RGS7: variants seen among roughly 807,000 people sequenced by gnomAD.
RGS7 encodes the protein regulator of G protein signaling 7.
RGS7 carries 27 observed loss-of-function variants against 81.1 expected under a neutral mutation model. The observed-to-expected ratio is 0.33, with a 90% CI of 0.25 to 0.46. The LOEUF is 0.46. RGS7 is among the 20% of genes least tolerant of loss of function. The pLI, the probability that RGS7 is intolerant of heterozygous loss-of-function variation, is 1.00. For missense variants in RGS7, 396 were observed against 607.4 expected, an observed-to-expected ratio of 0.65 and a Z score of 3.66; for synonymous variants, 208 against 207.7, an observed-to-expected ratio of 1.00 and a Z score of -0.01.
intron 3 of RGS7, among the ~76,000 whole-genome samples, chr1:241,041,996 A>T (rs1249523686): frequency 1.3e-5 from 2 of 152,150 alleles, no homozygotes; most frequent in Non-Finnish European, 2.9e-5. Context: ...GGAAGGCGAG[A>T]CATCCTTGAC....
At chr1:240,775,364 G>T (rs1211146720), downstream of RGS7, among the ~76,000 whole-genome samples, 1 of 152,126 alleles carries the variant, frequency 6.6e-6, no homozygotes, top group African/African-American at 2.4e-5. Context: ...ATTTCCATCT[G>T]CCCCTGGCTT....
chr1:241,247,898 A>T (rs952408221), intron 2 of RGS7, among the ~76,000 whole-genome samples: 1 of 152,204 alleles, frequency 6.6e-6, no homozygotes, highest in Admixed American at 6.5e-5. Flanking sequence ...TGAGTATGTA[A>T]TCTGCAGTAA....
At chr1:241,036,578 C>T (rs2060339737) in intron 3 of RGS7, among the ~76,000 whole-genome samples, 1 of 152,122 alleles carries the variant, frequency 6.6e-6, no homozygotes, top group African/African-American at 2.4e-5. Context: ...TCTAAAAATA[C>T]CTTTGTCCAG....
chr1:241,078,301 C>CTCTGTGTGTG (rs1481513576), intron 3 of RGS7, among the ~76,000 whole-genome samples: 5 of 130,270 alleles, frequency 3.8e-5, no homozygotes, highest in Non-Finnish European at 8.0e-5. Context: ...CTTCTGGTCT[C>CTCTGTGTGTG]TGTGTGTGTG....
At chr1:241,001,364 A>G (rs760302552) in intron 3 of RGS7, among the ~76,000 whole-genome samples, 1 of 152,142 alleles carries the variant, frequency 6.6e-6, no homozygotes, top group African/African-American at 2.4e-5. Flanking sequence ...GTTTAAATGA[A>G]CTGTACGGTA....
intron 9 of RGS7, among the ~76,000 whole-genome samples, chr1:240,862,139 T>G (rs1015654552): frequency 2.6e-5 from 4 of 152,150 alleles, no homozygotes; most frequent in Non-Finnish European, 5.9e-5. Flanking sequence ...TTTTTAGTGT[T>G]ATGACCTTAA....
intron 2 of RGS7, among the ~76,000 whole-genome samples, chr1:241,302,859 G>A (rs2079856350): frequency 6.9e-6 from 1 of 145,968 alleles, no homozygotes; most frequent in South Asian, 2.2e-4. Flanking sequence ...CTAAAAGACA[G>A]GCATTCTTTT....
intron 2 of RGS7, among the ~76,000 whole-genome samples, chr1:241,323,745 C>A (rs900514024): frequency 1.3e-5 from 2 of 152,160 alleles, no homozygotes; most frequent in Non-Finnish European, 2.9e-5. Flanking sequence ...GTTCTGATTC[C>A]AGTCAACCTG....
At chr1:240,943,099 T>C (rs1677879263) in intron 4 of RGS7, among the ~76,000 whole-genome samples, 1 of 152,144 alleles carries the variant, frequency 6.6e-6, no homozygotes, top group South Asian at 2.1e-4. Context: ...TAAGGTGACA[T>C]AGAATAGATA....
At chr1:241,179,287 C>T (rs2071407909) in intron 2 of RGS7, among the ~76,000 whole-genome samples, 1 of 152,122 alleles carries the variant, frequency 6.6e-6, no homozygotes. Context: ...TAAATAGAGA[C>T]GGGGTTTCAC....
chr1:241,226,812 T>C (rs1285285125), intron 2 of RGS7, among the ~76,000 whole-genome samples: 1 of 152,220 alleles, frequency 6.6e-6, no homozygotes. Context: ...CTTTATGTTA[T>C]CAAATTATTC....
intron 2 of RGS7, among the ~76,000 whole-genome samples, chr1:241,162,099 G>A (rs1229554210): frequency 6.6e-6 from 1 of 152,058 alleles, no homozygotes; most frequent in African/African-American, 2.4e-5. Flanking sequence ...AGGAATGTCA[G>A]CTGACCACTA....
chr1:240,957,057 C>A (rs1405912500), intron 4 of RGS7, among the ~76,000 whole-genome samples: 1 of 152,126 alleles, frequency 6.6e-6, no homozygotes, highest in East Asian at 1.9e-4. Flanking sequence ...CTGCGTGCGT[C>A]TGTGAGGGTG....
chr1:241,076,692 A>C (rs1174231436), intron 3 of RGS7, among the ~76,000 whole-genome samples: 2 of 152,208 alleles, frequency 1.3e-5, no homozygotes, highest in East Asian at 3.9e-4. Flanking sequence ...TTAAAGGAAG[A>C]GTATTTTGTC....
At chr1:241,266,964 G>A (rs908274778) in intron 2 of RGS7, among the ~76,000 whole-genome samples, 8 of 152,146 alleles carry the variant, frequency 5.3e-5, no homozygotes, top group Admixed American at 4.6e-4. Flanking sequence ...TATGTACCGT[G>A]ATTAAGCAAG....
intron 3 of RGS7, among the ~76,000 whole-genome samples, chr1:241,072,144 G>A (rs961241195): frequency 1.3e-5 from 2 of 152,116 alleles, no homozygotes; most frequent in East Asian, 1.9e-4. Context: ...CACCTGATGA[G>A]TTAAGCCAGG....
chr1:241,018,490 G>C (rs1298197248), intron 3 of RGS7, among the ~76,000 whole-genome samples: 1 of 152,044 alleles, frequency 6.6e-6, no homozygotes, highest in Non-Finnish European at 1.5e-5. Flanking sequence ...AATTCCTCTA[G>C]TGTTTGTTTT....
intron 6 of RGS7, among the ~76,000 whole-genome samples, chr1:240,879,298 G>A (rs531982600): frequency 7.7e-4 from 117 of 152,142 alleles, no homozygotes; most frequent in African/African-American, 2.7e-3. Flanking sequence ...TTTTTTACTT[G>A]ACCAATATTG....
chr1:241,103,057 G>A (rs1004056525), intron 2 of RGS7, among the ~76,000 whole-genome samples: 3 of 150,744 alleles, frequency 2.0e-5, no homozygotes, highest in Admixed American at 6.6e-5. Flanking sequence ...AGAGGTATGA[G>A]GGATAGTAAA....
Sources: gnomAD v4.1 joint callset for allele counts (sites outside exome capture counted in the v4.1 genomes callset) on GRCh38, gnomAD v4.1.1 for gene constraint, MANE v1.5 for transcripts, NCBI Gene and HGNC (gene_info 2026-07-23, HGNC 2026-07-21) for gene names.